RAB3B: variants seen among roughly 807,000 people sequenced by gnomAD.
The protein encoded by RAB3B is RAB3B, member RAS oncogene family.
In RAB3B, 11 loss-of-function variants were observed where a neutral mutation model predicts 20.5. That is an observed-to-expected ratio of 0.54 (90% CI 0.34 to 0.89). The LOEUF (loss-of-function observed/expected upper bound fraction) is 0.89, where lower values mean the gene tolerates loss of function less well. Ranked by LOEUF, RAB3B falls within the 40% of genes least tolerant of loss-of-function variation. The pLI, the probability that RAB3B is intolerant of heterozygous loss-of-function variation, is 0.02. For missense variants in RAB3B, 225 were observed against 280.9 expected (o/e 0.80, Z 1.42); for synonymous variants, 99 against 106.3 (o/e 0.93, Z 0.42).
At chr1:51,977,952 C>G (rs1685031796) in intron 1 of RAB3B, among the ~76,000 whole-genome samples, 1 of 152,216 alleles carries the variant, frequency 6.6e-6, no homozygotes, top group South Asian at 2.1e-4. Context: ...CTTCACCAAC[C>G]TGTGCTTCCC....
chr1:51,966,590 A>G (rs1684854750), intron 2 of RAB3B, among the ~76,000 whole-genome samples: 1 of 152,190 alleles, frequency 6.6e-6, no homozygotes. Context: ...ACTAAGCCTG[A>G]TTTGACTCCC....
At chr1:51,989,652 T>C (rs1389417499) in intron 1 of RAB3B, among the ~76,000 whole-genome samples, 3 of 151,634 alleles carry the variant, frequency 2.0e-5, no homozygotes, top group African/African-American at 7.3e-5. Flanking sequence ...CAGAGCCTCC[T>C]CTCCACTCCT....
chr1:51,923,775 C>T (rs1040751571), intron 4 of RAB3B, among the ~76,000 whole-genome samples: 12 of 151,352 alleles, frequency 7.9e-5, no homozygotes, highest in Non-Finnish European at 1.5e-4. Context: ...TGGCTCAAGC[C>T]TGGAATCCCA....
At chr1:51,984,299 C>T (rs978557636) in intron 1 of RAB3B, among the ~76,000 whole-genome samples, 1 of 74,624 alleles carries the variant, frequency 1.3e-5, no homozygotes, top group Non-Finnish European at 2.6e-5. Flanking sequence ...AAAAAAAAAG[C>T]ATGAACGAGA....
rs534338097 is a variant in RAB3B at position 51,981,070 on chromosome 1, G to A, written c.1-3953C>T. ...TTTTGAGACAGGGTCTCTCTCTGTC[G>A]CCCAGGCTGGAGTGCAATGGCACTA... On this transcript the variant is annotated intron_variant, in intron 1 of 4. Transcript: ENST00000371655. Among the ~76,000 whole-genome samples, 133 of 151,438 alleles carry A rather than the reference G, an allele frequency of 8.8e-4. 1 individual carries two copies. The highest frequency in any genetic ancestry group is 1.5e-3 in the Non-Finnish European group (103 of 67,878).
intron 1 of RAB3B, among the ~76,000 whole-genome samples, chr1:51,977,352 T>C (rs184602576): frequency 3.3e-5 from 5 of 152,316 alleles, no homozygotes; most frequent in East Asian, 1.9e-4. Context: ...ACTGAGCACA[T>C]TGATCTGGGG....
chr1:51,980,390 T>A (rs1380803396), intron 1 of RAB3B: 1 of 394,808 alleles, frequency 2.5e-6, no homozygotes, highest in African/African-American at 2.1e-5. Flanking sequence ...ATTGTGCCAC[T>A]GCACTCCAGC....
At chr1:51,963,972 C>G (rs186634396) in intron 2 of RAB3B, among the ~76,000 whole-genome samples, 2 of 152,278 alleles carry the variant, frequency 1.3e-5, no homozygotes, top group East Asian at 1.9e-4. Context: ...TACCACCATA[C>G]GAACGTGCTG....
At chr1:51,961,299 G>A (rs1684780731) in intron 2 of RAB3B, among the ~76,000 whole-genome samples, 1 of 152,116 alleles carries the variant, frequency 6.6e-6, no homozygotes, top group Admixed American at 6.5e-5. Flanking sequence ...AAAAGGAGGG[G>A]AGCTGGTAAC....
rs1420666694 is a variant in RAB3B at position 51,913,663 on chromosome 1, G to T, written c.*6264C>A. ...ATTTTTGTATTTTTAGTAGAGATGG[G>T]TTTTCACCATGTTGGCCAGGCTGGT... On this transcript the variant is annotated 3_prime_UTR_variant, in exon 5 of 5. Coordinates refer to ENST00000371655, the MANE Select transcript of RAB3B (RefSeq NM_002867.4). The T allele has an allele frequency of 6.6e-6, 1 of 152,192 alleles. No homozygotes were observed. Among genetic ancestry groups the T allele is most frequent in the East Asian group, 1.9e-4 (1 of 5,174 alleles). 9.4% of individuals were successfully genotyped at this position (152,192 alleles called of 1,614,324 possible).
intron 2 of RAB3B, among the ~76,000 whole-genome samples, chr1:51,950,441 G>A (rs773461311): frequency 5.3e-5 from 8 of 152,190 alleles, no homozygotes; most frequent in Non-Finnish European, 1.2e-4. Context: ...TATAGCACCT[G>A]CCACATACTA....
Position 51,913,309 on chromosome 1 carries a change from T to C in RAB3B, c.*6618A>G, listed in dbSNP as rs2124217511. On this transcript the variant is annotated 3_prime_UTR_variant, in exon 5 of 5. Transcript: ENST00000371655. The stretch of plus-strand genomic sequence containing the variant: ...ATAAGACTGCCCTGCCCTATACAGT[T>C]TTGCCACTTGTCTTTGGTGATATCA... 1 of 152,276 alleles carries C rather than the reference T, an allele frequency of 6.6e-6. No homozygotes were observed. Among genetic ancestry groups the C allele is most frequent in the South Asian group, 2.1e-4 (1 of 4,826 alleles). 9.4% of individuals were successfully genotyped at this position (152,276 alleles called of 1,614,324 possible). A position where few individuals can be genotyped will look rare whatever the true frequency, so the allele number is the denominator to read the frequency against.
chr1:51,945,087 A>G (rs1040325244), intron 2 of RAB3B, among the ~76,000 whole-genome samples: 1 of 152,204 alleles, frequency 6.6e-6, no homozygotes. Flanking sequence ...AGCACCCATG[A>G]ACATCAAGGC....
intron 2 of RAB3B, among the ~76,000 whole-genome samples, chr1:51,937,828 T>C (rs1163227451): frequency 6.6e-6 from 1 of 152,084 alleles, no homozygotes; most frequent in African/African-American, 2.4e-5. Flanking sequence ...CTATTATGTG[T>C]CTTGTATTGT....
At chr1:51,986,143 C>G (rs912493407) in intron 1 of RAB3B, among the ~76,000 whole-genome samples, 2 of 126,728 alleles carry the variant, frequency 1.6e-5, no homozygotes, top group Admixed American at 1.0e-4. Context: ...TCCATTTCTA[C>G]GAATTTTTTT....
intron 3 of RAB3B, among the ~76,000 whole-genome samples, chr1:51,936,264 G>C (rs938745161): frequency 6.6e-6 from 1 of 152,054 alleles, no homozygotes; most frequent in Non-Finnish European, 1.5e-5. Context: ...TTCCCCTCAG[G>C]CTCCCTTCTC....
At chr1:51,936,300 G>C (rs1037953062) in intron 3 of RAB3B, among the ~76,000 whole-genome samples, 1 of 152,200 alleles carries the variant, frequency 6.6e-6, no homozygotes, top group Non-Finnish European at 1.5e-5. Context: ...CAGGAAGAAA[G>C]CTATAAGTTG....
intron 2 of RAB3B, among the ~76,000 whole-genome samples, chr1:51,962,578 G>T (rs1012765139): frequency 1.3e-5 from 2 of 152,122 alleles, no homozygotes; most frequent in Admixed American, 1.3e-4. Flanking sequence ...ATGGCAAGAA[G>T]CCCATGTCTC....
At chr1:51,938,852 C>T (rs181755017) in intron 2 of RAB3B, among the ~76,000 whole-genome samples, 60 of 151,732 alleles carry the variant, frequency 4.0e-4, no homozygotes, top group African/African-American at 1.3e-3. Context: ...GTACAGATGA[C>T]GTTTTACCAT....
Sources: allele counts gnomAD v4.1 joint callset (sites outside exome capture counted in the v4.1 genomes callset), GRCh38; gene constraint gnomAD v4.1.1; transcripts MANE v1.5; gene names NCBI Gene and HGNC (gene_info 2026-07-23, HGNC 2026-07-21).